CRBN: variants seen among roughly 807,000 people sequenced by gnomAD.
CRBN encodes the protein cereblon.
Under a neutral mutation model 62.2 loss-of-function variants are expected in CRBN, and 53 were observed. The observed-to-expected ratio is 0.85, with a 90% CI of 0.68 to 1.07. The LOEUF (loss-of-function observed/expected upper bound fraction) is 1.07, where lower values mean the gene tolerates loss of function less well. Among genes scored for constraint, CRBN ranks in the 50% least tolerant of loss-of-function variants. The pLI, the probability that CRBN is intolerant of heterozygous loss-of-function variation, is 0.00. For synonymous variants in CRBN, 208 were observed against 176.1 expected, an observed-to-expected ratio of 1.18 and a Z score of -1.43; for missense variants, 616 against 531.1, an observed-to-expected ratio of 1.16 and a Z score of -1.57.
chr3:3,153,199 T>G, intron 9 of CRBN: 1 of 480,158 alleles, frequency 2.1e-6, no homozygotes, highest in Non-Finnish European at 3.8e-6. Flanking sequence ...TCAGTTGTTT[T>G]ACTTTACCAT....
chr3:3,169,446 G>A (rs1196681554), intron 4 of CRBN, among the ~76,000 whole-genome samples: 1 of 146,106 alleles, frequency 6.8e-6, no homozygotes, highest in East Asian at 2.1e-4. Flanking sequence ...GACATAAACT[G>A]CTTTCAAATT....
chr3:3,151,001 A>C lies in CRBN; in HGVS notation c.1193T>G (p.Ile398Ser). 1 of 1,613,968 alleles carries C rather than the reference A, an allele frequency of 6.2e-7. No homozygotes were observed. Among genetic ancestry groups the C allele is most frequent in the Non-Finnish European group, 8.5e-7 (1 of 1,179,974 alleles). ...VAQCKICASH[I>S]GWKFTATKKD... ...TTTGGTGGCCGTAAACTTCCATCCA[A>C]TATGGCTTGCACAGATCTTACACTG... The change falls in exon 11 of 11, where the codon ATT becomes AGT. Residue 398 changes from isoleucine (I) to serine (S), a missense_variant. Transcript: ENST00000231948.
At position 3,167,050 on chromosome 3, in the gene CRBN, G is replaced by A. The variant is rs568947719; in HGVS notation, c.687+584C>T. Among the ~76,000 whole-genome samples the A allele has an allele frequency of 3.3e-5, 5 of 152,012 alleles. No homozygotes were observed. In the East Asian group the frequency reaches 5.8e-4, roughly 18 times the overall value. On this transcript the variant is annotated intron_variant, in intron 5 of 10. Coordinates refer to ENST00000231948, the MANE Select transcript of CRBN (RefSeq NM_016302.4). ...TTAAAATTGCACATCTCACAAACGA[G>A]TAGAAACAGGCTCCCTCAATTTTTT...
chr3:3,165,164 A>G (rs950056860), intron 5 of CRBN, among the ~76,000 whole-genome samples: 1 of 152,230 alleles, frequency 6.6e-6, no homozygotes, highest in African/African-American at 2.4e-5. Context: ...TCAAACATGG[A>G]TTAGGAGTTG....
chr3:3,154,677 G>A (rs1047173658), intron 7 of CRBN, 70 bp downstream of exon 7: 9 of 814,272 alleles, frequency 1.1e-5, no homozygotes, highest in Admixed American at 3.4e-5. Flanking sequence ...TGATTGGATC[G>A]CATCCATGAA....
Position 3,150,803 on chromosome 3 carries a change from T to G in CRBN, c.*62A>C. The G allele has an allele frequency of 6.6e-7, 1 of 1,518,728 alleles. No individual in the cohort carries two copies. The allele number at this position is 1,518,728 out of a possible 1,614,324, so 94.1% of individuals were successfully genotyped here. A position where few individuals can be genotyped will look rare whatever the true frequency, so the allele number is the denominator to read the frequency against. On this transcript the variant is annotated 3_prime_UTR_variant, in exon 11 of 11. Transcript: ENST00000231948. ...TTAGGTATGTATCAGAGGCAATAAT[T>G]TCCAAAGCAGATCTTAGAATATAAC... is the stretch of plus-strand genomic sequence containing the variant.
At chr3:3,152,066 T>G (rs527303837) in intron 10 of CRBN, among the ~76,000 whole-genome samples, 2 of 152,224 alleles carry the variant, frequency 1.3e-5, no homozygotes, top group African/African-American at 2.4e-5. Context: ...TGTCAACCTT[T>G]TCTTCCTTTC....
intron 3 of CRBN, among the ~76,000 whole-genome samples, chr3:3,173,438 T>C (rs1042377274): frequency 3.9e-5 from 6 of 152,174 alleles, no homozygotes; most frequent in Non-Finnish European, 8.8e-5. Context: ...AGGAAAATAA[T>C]AGATTTCTAG....
At chr3:3,173,753 T>C (rs576574784) in intron 3 of CRBN, 2 of 391,038 alleles carry the variant, frequency 5.1e-6, no homozygotes, top group African/African-American at 2.0e-5. Flanking sequence ...TTCTCTATAA[T>C]GAAGACAGTT....
chr3:3,173,970 G>A (rs958278690), intron 3 of CRBN, 89 bp downstream of exon 3: 15 of 1,158,868 alleles, frequency 1.3e-5, no homozygotes, highest in Non-Finnish European at 1.6e-5. Context: ...CTGTACATGC[G>A]AAATAACAGC....
chr3:3,162,713 C>T (rs540130175), intron 5 of CRBN, among the ~76,000 whole-genome samples: 117 of 152,128 alleles, frequency 7.7e-4, no homozygotes, highest in Non-Finnish European at 1.5e-3. Context: ...TCCTTTTCTG[C>T]AGGAAAAGTG....
At chr3:3,155,150 A>T in intron 6 of CRBN, 1 of 380,154 alleles carries the variant, frequency 2.6e-6, no homozygotes, top group Non-Finnish European at 4.8e-6. Context: ...GCCATTTCTG[A>T]CCCAGTCCAT....
intron 6 of CRBN, 62 bp from the exon 7 acceptor site, chr3:3,154,893 C>T: frequency 1.1e-6 from 1 of 912,330 alleles, no homozygotes; most frequent in Non-Finnish European, 1.8e-6. Context: ...TACTATTAAG[C>T]TTTTCAACTC....
chr3:3,165,100 A>T lies in CRBN; in HGVS notation c.687+2534T>A, dbSNP rs951215094. Among the ~76,000 whole-genome samples, 4 of 152,314 alleles carry T rather than the reference A, an allele frequency of 2.6e-5. No individual in the cohort carries two copies. The East Asian group carries it at 7.7e-4, about 29-fold the overall frequency. Reference sequence around the variant, plus strand: ...CAGATGTGACAGAAACAAAAAGAGAACTAAAGTTAGAAGTGGAACCCACAG... The same window carrying T: ...CAGATGTGACAGAAACAAAAAGAGATCTAAAGTTAGAAGTGGAACCCACAG... On this transcript the variant is annotated intron_variant, in intron 5 of 10. Transcript: ENST00000231948.
At chr3:3,155,993 G>A (rs1012433184) in intron 6 of CRBN, 1 of 491,382 alleles carries the variant, frequency 2.0e-6, no homozygotes, top group Non-Finnish European at 3.7e-6. Flanking sequence ...TTGTAGAGAT[G>A]GGGTTTCACC....
intron 1 of CRBN, 70 bp downstream of exon 1, chr3:3,179,551 C>A: frequency 6.7e-7 from 1 of 1,496,468 alleles, no homozygotes; most frequent in South Asian, 1.1e-5. Context: ...CCTCCCAGGC[C>A]CAGCTGCACC....
intron 9 of CRBN, chr3:3,152,861 A>G (rs1706676650): frequency 1.1e-5 from 5 of 465,286 alleles, no homozygotes; most frequent in African/African-American, 7.8e-5. Context: ...CAGACATTGT[A>G]AAGAATATAA....
chr3:3,151,667 TCA>T (rs1706561759), intron 10 of CRBN, among the ~76,000 whole-genome samples: 1 of 152,174 alleles, frequency 6.6e-6, no homozygotes. Context: ...GTTTTAGTCC[TCA>T]CATAGGGTGC....
intron 5 of CRBN, among the ~76,000 whole-genome samples, chr3:3,161,169 A>C (rs1707124672): frequency 6.6e-6 from 1 of 152,152 alleles, no homozygotes; most frequent in Non-Finnish European, 1.5e-5. Context: ...AAAACAAAAG[A>C]CAAAAGACAA....
Sources: allele counts gnomAD v4.1 joint callset (sites outside exome capture counted in the v4.1 genomes callset), GRCh38; gene constraint gnomAD v4.1.1; transcripts MANE v1.5; gene names NCBI Gene and HGNC (gene_info 2026-07-23, HGNC 2026-07-21).